Variants in FYN observed in about 807,000 individuals in gnomAD.
FYN encodes tyrosine-protein kinase Fyn.
In FYN, 10 loss-of-function variants were observed where a neutral mutation model predicts 70.2. The ratio of observed to expected loss-of-function variants is 0.14; its 90% CI spans 0.09 to 0.24. FYN has a LOEUF of 0.24. Ranked by LOEUF, FYN falls within the 10% of genes least tolerant of loss-of-function variation. The probability of loss-of-function intolerance (pLI) is 1.00; values close to 1 mark genes in which losing one functional copy is unlikely to be tolerated. For synonymous variants in FYN, 236 were observed against 248.6 expected (o/e 0.95, Z 0.48); for missense variants, 319 against 673.1 (o/e 0.47, Z 5.82).
rs187088138 is a variant in FYN, at chr6:111,757,789, T to G, written c.-12+22777A>C. 5.3e-3 allele frequency among the ~76,000 whole-genome samples: 812 copies of G among 152,326 alleles called. 1 individual carries two copies. Among genetic ancestry groups the G allele is most frequent in the Non-Finnish European group, 7.9e-3 (538 of 68,026 alleles). ...AACAAAACACAGGATGTCATTTAAA[T>G]TCTAAGAACTTCTTGATCCAATTGC... is the stretch of plus-strand genomic sequence containing the variant. On this transcript the variant is annotated intron_variant, in intron 3 of 13. Coordinates refer to ENST00000354650, the MANE Select transcript of FYN (RefSeq NM_002037.5).
At chr6:111,679,875 T>C (rs1448664171) in intron 12 of FYN, among the ~76,000 whole-genome samples, 1 of 151,978 alleles carries the variant, frequency 6.6e-6, no homozygotes, top group African/African-American at 2.4e-5. Flanking sequence ...CCCAGTTCAC[T>C]GGGGCTGCAG....
chr6:111,711,915 T>C (rs1016006660), intron 5 of FYN, among the ~76,000 whole-genome samples: 4 of 152,220 alleles, frequency 2.6e-5, no homozygotes, highest in African/African-American at 4.8e-5. Flanking sequence ...TGGAATTCCA[T>C]TGGCAGAAAG....
chr6:111,755,524 T>C (rs1802692135), intron 3 of FYN, among the ~76,000 whole-genome samples: 1 of 152,202 alleles, frequency 6.6e-6, no homozygotes, highest in African/African-American at 2.4e-5. Flanking sequence ...TTTAATCTAA[T>C]GGGCATATTT....
chr6:111,794,437 G>A (rs765929370), intron 2 of FYN, among the ~76,000 whole-genome samples: 1 of 152,088 alleles, frequency 6.6e-6, no homozygotes, highest in Non-Finnish European at 1.5e-5. Context: ...AAATGTACAT[G>A]GACAGAGGAA....
chr6:111,700,344 C>T, intron 8 of FYN, 76 bp from the exon 9 acceptor site: 1 of 1,477,252 alleles, frequency 6.8e-7, no homozygotes, highest in Non-Finnish European at 9.3e-7. Context: ...TAAGTGTAAA[C>T]CCACACTAGC....
At chr6:111,670,715 G>A (rs1226975624) in intron 13 of FYN, among the ~76,000 whole-genome samples, 1 of 131,802 alleles carries the variant, frequency 7.6e-6, no homozygotes, top group Non-Finnish European at 1.6e-5. Flanking sequence ...AGATAACCAG[G>A]TCTGTGTTTT....
chr6:111,798,892 A>T (rs879649736), intron 2 of FYN, among the ~76,000 whole-genome samples: 2 of 152,242 alleles, frequency 1.3e-5, no homozygotes, highest in Non-Finnish European at 2.9e-5. Context: ...AGGAAACATA[A>T]AGGGTCAGAA....
intron 13 of FYN, among the ~76,000 whole-genome samples, chr6:111,668,642 C>A (rs1798117875): frequency 6.6e-6 from 1 of 152,116 alleles, no homozygotes; most frequent in African/African-American, 2.4e-5. Context: ...CCACCCTCTT[C>A]ACACGCATTC....
At chr6:111,738,253 A>G (rs148397202) in intron 3 of FYN, among the ~76,000 whole-genome samples, 2 of 152,346 alleles carry the variant, frequency 1.3e-5, no homozygotes, top group East Asian at 3.9e-4. Flanking sequence ...AACCCCAAAG[A>G]ACCATGCCTA....
chr6:111,847,075 C>T (rs1318088633), intron 1 of FYN, among the ~76,000 whole-genome samples: 1 of 152,196 alleles, frequency 6.6e-6, no homozygotes, highest in African/African-American at 2.4e-5. Context: ...CCATACCTTC[C>T]CCACTTCCTA....
At chr6:111,739,492 C>T (rs893806279) in intron 3 of FYN, among the ~76,000 whole-genome samples, 1 of 152,236 alleles carries the variant, frequency 6.6e-6, no homozygotes, top group Non-Finnish European at 1.5e-5. Context: ...CTGCCTGCTG[C>T]CTGCCCAGCC....
At chr6:111,685,693 TA>T (rs1798975786) in intron 12 of FYN, among the ~76,000 whole-genome samples, 1 of 152,224 alleles carries the variant, frequency 6.6e-6, no homozygotes, top group Admixed American at 6.5e-5. Flanking sequence ...TTACACACTT[TA>T]AAATCACAGA....
intron 2 of FYN, among the ~76,000 whole-genome samples, chr6:111,805,136 G>A (rs17072912): frequency 0.15 from 23,021 of 151,844 alleles, 2,976 homozygotes; most frequent in African/African-American, 0.36. Context: ...AGTCCTACAA[G>A]GCGTTTTACA....
At chr6:111,726,395 T>A (rs9372309) in intron 3 of FYN, among the ~76,000 whole-genome samples, 59,353 of 152,098 alleles carry the variant, frequency 0.39, 16,424 homozygotes, top group African/African-American at 0.78. Flanking sequence ...CAGGCTGGAC[T>A]CTGCAAAATG....
intron 2 of FYN, among the ~76,000 whole-genome samples, chr6:111,808,880 G>T (rs1358600258): frequency 1.3e-5 from 2 of 152,166 alleles, no homozygotes; most frequent in Non-Finnish European, 2.9e-5. Flanking sequence ...ATTCACAAAT[G>T]TTCTTATCAA....
intron 13 of FYN, among the ~76,000 whole-genome samples, chr6:111,673,216 C>G (rs904180417): frequency 5.3e-5 from 8 of 152,196 alleles, no homozygotes; most frequent in Admixed American, 5.2e-4. Context: ...GCTCCATCCC[C>G]CAGGGCGGCC....
intron 1 of FYN, among the ~76,000 whole-genome samples, chr6:111,862,483 G>A (rs868539464): frequency 6.6e-6 from 1 of 152,144 alleles, no homozygotes; most frequent in Non-Finnish European, 1.5e-5. Context: ...GCCTCATAGC[G>A]CAGATGCCCA....
chr6:111,691,038 A>G (rs1259135426), intron 12 of FYN, among the ~76,000 whole-genome samples: 1 of 152,234 alleles, frequency 6.6e-6, no homozygotes, highest in African/African-American at 2.4e-5. Context: ...AAGACGAACT[A>G]TCTGCTGTAA....
rs145367012 is a variant in FYN at position 111,669,880 on chromosome 6, C to T, written c.1405+4619G>A. 5.7e-3 allele frequency among the ~76,000 whole-genome samples: 870 copies of T among 151,914 alleles called. 6 individuals are homozygous for T. Among genetic ancestry groups the T allele is most frequent in the African/African-American group, 0.02 (817 of 41,390 alleles). On this transcript the variant is annotated intron_variant, in intron 13 of 13. Coordinates refer to ENST00000354650, the MANE Select transcript of FYN (RefSeq NM_002037.5). ...GAAGCTGCTGAGAAATACACACAAA[C>T]GGGGGGCCCAACAGAAATATGCTAG... is the stretch of plus-strand genomic sequence containing the variant.
Sources: gnomAD v4.1 joint callset for allele counts (sites outside exome capture counted in the v4.1 genomes callset) on GRCh38, gnomAD v4.1.1 for gene constraint, MANE v1.5 for transcripts, NCBI Gene and HGNC (gene_info 2026-07-23, HGNC 2026-07-21) for gene names.